Variants in GRID2 observed in about 807,000 individuals in gnomAD.
GRID2 encodes the protein glutamate ionotropic receptor delta type subunit 2.
A neutral mutation model predicts 114.8 loss-of-function variants in GRID2; 33 were observed. The ratio of observed to expected loss-of-function variants is 0.29; its 90% CI spans 0.22 to 0.38. The LOEUF (loss-of-function observed/expected upper bound fraction) is 0.38. GRID2 is among the 10% of genes least tolerant of loss of function. The probability of loss-of-function intolerance (pLI) is 1.00; values close to 1 mark genes in which losing one functional copy is unlikely to be tolerated. For missense variants in GRID2, 1,184 were observed against 1,257.7 expected, an observed-to-expected ratio of 0.94 and a Z score of 0.89; for synonymous variants, 505 against 449.9, an observed-to-expected ratio of 1.12 and a Z score of -1.55.
intron 8 of GRID2, among the ~76,000 whole-genome samples, chr4:93,381,197 C>T (rs1763821099): frequency 2.6e-5 from 4 of 152,080 alleles, no homozygotes; most frequent in Admixed American, 1.3e-4. Context: ...TCATGCAAAA[C>T]TGAAACTCTA....
chr4:92,829,034 C>T (rs1168264721), intron 2 of GRID2, among the ~76,000 whole-genome samples: 1 of 152,088 alleles, frequency 6.6e-6, no homozygotes, highest in African/African-American at 2.4e-5. Context: ...TCCCATTTGT[C>T]AATTTTGGCT....
At chr4:92,354,889 C>A (rs1728242633) in intron 1 of GRID2, among the ~76,000 whole-genome samples, 1 of 151,894 alleles carries the variant, frequency 6.6e-6, no homozygotes, top group Admixed American at 6.6e-5. Flanking sequence ...CTTACCACCT[C>A]CCACCTTTAT....
At chr4:92,335,731 CAGAG>C (rs1458286430) in intron 1 of GRID2, among the ~76,000 whole-genome samples, 1 of 152,114 alleles carries the variant, frequency 6.6e-6, no homozygotes, top group Non-Finnish European at 1.5e-5. Flanking sequence ...ATGAGTTACT[CAGAG>C]AGATGGTTGA....
chr4:93,333,393 T>A (rs1758704045), intron 8 of GRID2, among the ~76,000 whole-genome samples: 1 of 152,222 alleles, frequency 6.6e-6, no homozygotes, highest in East Asian at 1.9e-4. Flanking sequence ...TCCTGTTCAG[T>A]GCTCTAATGT....
intron 2 of GRID2, among the ~76,000 whole-genome samples, chr4:92,900,075 A>C (rs1405197752): frequency 3.9e-5 from 6 of 152,158 alleles, no homozygotes; most frequent in Non-Finnish European, 5.9e-5. Context: ...TAGCAGGGAA[A>C]GGTGAGGTTA....
chr4:92,541,716 G>A (rs1725970667), intron 1 of GRID2, among the ~76,000 whole-genome samples: 1 of 151,986 alleles, frequency 6.6e-6, no homozygotes, highest in East Asian at 1.9e-4. Flanking sequence ...TTAACACATT[G>A]ATTAAATGAT....
At chr4:93,410,173 A>C (rs1390291712) in intron 9 of GRID2, among the ~76,000 whole-genome samples, 3 of 152,202 alleles carry the variant, frequency 2.0e-5, no homozygotes, top group Non-Finnish European at 2.9e-5. Context: ...AATGAACGTA[A>C]AGTGATAAGG....
At chr4:92,640,379 T>G (rs1731285044) in intron 2 of GRID2, among the ~76,000 whole-genome samples, 2 of 151,886 alleles carry the variant, frequency 1.3e-5, no homozygotes, top group Non-Finnish European at 2.9e-5. Context: ...TTTAGATGTA[T>G]TTATCAACAT....
chr4:92,341,769 G>C (rs1727501980), intron 1 of GRID2, among the ~76,000 whole-genome samples: 1 of 151,912 alleles, frequency 6.6e-6, no homozygotes, highest in Admixed American at 6.6e-5. Flanking sequence ...AAAAAAATTA[G>C]CCAGGCGTGG....
At chr4:92,750,762 T>G (rs985559580) in intron 2 of GRID2, among the ~76,000 whole-genome samples, 1 of 152,218 alleles carries the variant, frequency 6.6e-6, no homozygotes. Context: ...GTCTCAGTAC[T>G]TCAACAGTGT....
chr4:93,107,047 C>G (rs1732304061), intron 3 of GRID2, among the ~76,000 whole-genome samples: 1 of 152,102 alleles, frequency 6.6e-6, no homozygotes, highest in Non-Finnish European at 1.5e-5. Flanking sequence ...TGCCTGTAAT[C>G]CAAGCACTTT....
intron 8 of GRID2, among the ~76,000 whole-genome samples, chr4:93,347,634 GT>G (rs1239893745): frequency 1.3e-5 from 2 of 152,100 alleles, no homozygotes. Flanking sequence ...CTGTATGCCA[GT>G]TATTCATATA....
At chr4:92,837,961 T>A (rs1742583721) in intron 2 of GRID2, among the ~76,000 whole-genome samples, 1 of 152,054 alleles carries the variant, frequency 6.6e-6, no homozygotes, top group Non-Finnish European at 1.5e-5. Flanking sequence ...GATATCTAAG[T>A]GCTACACAGT....
In GRID2 at chr4:93,618,087, A is replaced by T. The variant is rs142160540; in HGVS notation, c.2194-8182A>T. Among the ~76,000 whole-genome samples the T allele has an allele frequency of 6.7e-3, 1,026 of 152,254 alleles. 14 individuals are homozygous for T. The highest frequency in any genetic ancestry group is 0.023 in the African/African-American group (960 of 41,532). On this transcript the variant is annotated intron_variant, in intron 13 of 15. Coordinates refer to ENST00000282020, the MANE Select transcript of GRID2 (RefSeq NM_001510.4). Reference sequence around the variant, plus strand: ...TGCTATGACTGGGCATTGGAGGCAAACCTGGGCAATTGTCACCCTAGCTCT... The same window carrying T: ...TGCTATGACTGGGCATTGGAGGCAATCCTGGGCAATTGTCACCCTAGCTCT...
At chr4:92,389,601 T>C (rs1730146056) in intron 1 of GRID2, among the ~76,000 whole-genome samples, 1 of 152,124 alleles carries the variant, frequency 6.6e-6, no homozygotes, top group East Asian at 1.9e-4. Flanking sequence ...TCTTTATCAC[T>C]GGAATTTCCT....
At chr4:92,445,958 G>A (rs1256166504) in intron 1 of GRID2, among the ~76,000 whole-genome samples, 1 of 151,766 alleles carries the variant, frequency 6.6e-6, no homozygotes, top group African/African-American at 2.4e-5. Flanking sequence ...TTGTTTGTTT[G>A]TTTTGAGACA....
intron 2 of GRID2, among the ~76,000 whole-genome samples, chr4:92,811,270 A>T (rs1007667973): frequency 6.6e-6 from 1 of 152,176 alleles, no homozygotes; most frequent in South Asian, 2.1e-4. Context: ...ATAGTAAAAC[A>T]TATCCATACC....
At chr4:93,589,488 T>C (rs1267100202) in intron 13 of GRID2, among the ~76,000 whole-genome samples, 2 of 152,090 alleles carry the variant, frequency 1.3e-5, no homozygotes, top group Non-Finnish European at 2.9e-5. Flanking sequence ...GTCTTTGCTA[T>C]TGTGAATAAT....
At chr4:92,434,295 A>C (rs887826531) in intron 1 of GRID2, among the ~76,000 whole-genome samples, 4 of 152,302 alleles carry the variant, frequency 2.6e-5, no homozygotes, top group Admixed American at 1.3e-4. Flanking sequence ...CAATTTTATA[A>C]GTTTGTAGAG....
Sources: allele counts gnomAD v4.1 joint callset (sites outside exome capture counted in the v4.1 genomes callset), GRCh38; gene constraint gnomAD v4.1.1; transcripts MANE v1.5; gene names NCBI Gene and HGNC (gene_info 2026-07-23, HGNC 2026-07-21).